Variants in WDR7 observed in about 807,000 individuals in gnomAD.
The protein encoded by WDR7 is WD repeat-containing protein 7.
Under a neutral mutation model 169.4 loss-of-function variants are expected in WDR7, and 46 were observed. The ratio of observed to expected loss-of-function variants is 0.27; its 90% CI spans 0.21 to 0.35. The LOEUF (loss-of-function observed/expected upper bound fraction) is 0.35, where lower values mean the gene tolerates loss of function less well. Ranked by LOEUF, WDR7 falls within the 10% of genes least tolerant of loss-of-function variation. The pLI, the probability that WDR7 is intolerant of heterozygous loss-of-function variation, is 1.00. For missense variants in WDR7, 1,534 were observed against 1,859.3 expected (o/e 0.83, Z 3.22); for synonymous variants, 612 against 666.8 (o/e 0.92, Z 1.27).
chr18:57,015,051 C>T (rs2048188204), intron 26 of WDR7, among the ~76,000 whole-genome samples: 1 of 152,140 alleles, frequency 6.6e-6, no homozygotes, highest in African/African-American at 2.4e-5. Context: ...CCTGACAGCA[C>T]ACATTGTTAA....
intron 22 of WDR7, among the ~76,000 whole-genome samples, chr18:56,924,754 G>T (rs567484887): frequency 2.4e-4 from 36 of 152,334 alleles, no homozygotes; most frequent in African/African-American, 8.4e-4. Flanking sequence ...TTCCTGCAAA[G>T]AGTTCTTTTG....
chr18:56,663,200 T>G (rs1032936382), intron 1 of WDR7, among the ~76,000 whole-genome samples: 1 of 152,332 alleles, frequency 6.6e-6, no homozygotes, highest in Admixed American at 6.5e-5. Flanking sequence ...CTCACAGGCC[T>G]GACCTCCAAA....
intron 21 of WDR7, among the ~76,000 whole-genome samples, chr18:56,885,744 A>G (rs142563863): frequency 0.059 from 8,935 of 151,120 alleles, 916 homozygotes; most frequent in African/African-American, 0.21. Flanking sequence ...GGAGAATGGC[A>G]TGAACCCAGG....
intron 21 of WDR7, among the ~76,000 whole-genome samples, chr18:56,893,421 C>T (rs2046291568): frequency 6.6e-6 from 1 of 152,012 alleles, no homozygotes; most frequent in Non-Finnish European, 1.5e-5. Flanking sequence ...AACTGCAGAG[C>T]TTTTGATGGT....
At chr18:57,035,903 G>A in the WDR7 span, 1 of 152,182 alleles carries the variant, frequency 6.6e-6, no homozygotes, top group African/African-American at 2.4e-5. Context: ...GAGGCTGAAA[G>A]CAGCCATTCC....
chr18:57,006,439 T>C (rs1255902586), intron 26 of WDR7, among the ~76,000 whole-genome samples: 5 of 152,222 alleles, frequency 3.3e-5, no homozygotes, highest in Admixed American at 6.5e-5. Context: ...CAAATATTAA[T>C]TGCTTATTAA....
At chr18:56,903,897 A>G (rs2046440206) in intron 21 of WDR7, among the ~76,000 whole-genome samples, 1 of 152,140 alleles carries the variant, frequency 6.6e-6, no homozygotes, top group South Asian at 2.1e-4. Flanking sequence ...TCCACCTTCC[A>G]TGGTTCAAAA....
At chr18:56,736,078 C>A (rs1306384412) in intron 14 of WDR7, among the ~76,000 whole-genome samples, 1 of 152,126 alleles carries the variant, frequency 6.6e-6, no homozygotes, top group Admixed American at 6.5e-5. Flanking sequence ...CTATAACTTG[C>A]TAGCCGTGGG....
intron 12 of WDR7, among the ~76,000 whole-genome samples, chr18:56,701,510 G>C (rs2025834133): frequency 6.6e-6 from 1 of 152,064 alleles, no homozygotes; most frequent in Non-Finnish European, 1.5e-5. Context: ...TTTTAAATGA[G>C]TGGTTTTCTC....
intron 22 of WDR7, among the ~76,000 whole-genome samples, chr18:56,925,027 C>A (rs1001616583): frequency 3.3e-5 from 5 of 152,188 alleles, no homozygotes; most frequent in African/African-American, 1.2e-4. Context: ...CAGAACCATA[C>A]AAACTGTGGT....
chr18:56,827,239 A>G (rs2045222373), intron 20 of WDR7, among the ~76,000 whole-genome samples: 1 of 152,160 alleles, frequency 6.6e-6, no homozygotes, highest in South Asian at 2.1e-4. Flanking sequence ...TATTTGAGTT[A>G]CTTGACTGTG....
chr18:56,875,892 T>C (rs1037827298), intron 20 of WDR7, among the ~76,000 whole-genome samples: 2 of 152,228 alleles, frequency 1.3e-5, no homozygotes, highest in Non-Finnish European at 2.9e-5. Flanking sequence ...CTTATTGTTG[T>C]TCACCTGATC....
At chr18:56,830,234 A>G (rs2045284548) in intron 20 of WDR7, among the ~76,000 whole-genome samples, 1 of 152,150 alleles carries the variant, frequency 6.6e-6, no homozygotes, top group African/African-American at 2.4e-5. Context: ...TTTTGGTGTA[A>G]AATGTATACG....
chr18:56,778,480 G>A (rs896972622), intron 17 of WDR7, among the ~76,000 whole-genome samples: 4 of 152,008 alleles, frequency 2.6e-5, no homozygotes, highest in Middle Eastern at 3.2e-3. Flanking sequence ...TGGCCTCATC[G>A]ATAATTTGGT....
intron 14 of WDR7, among the ~76,000 whole-genome samples, chr18:56,734,178 G>T (rs891803676): frequency 3.3e-5 from 5 of 152,094 alleles, no homozygotes; most frequent in African/African-American, 4.8e-5. Flanking sequence ...GAGTGAAGTT[G>T]TGTAGATATA....
intron 17 of WDR7, among the ~76,000 whole-genome samples, chr18:56,777,214 T>C (rs2044254066): frequency 6.6e-6 from 1 of 152,312 alleles, no homozygotes; most frequent in South Asian, 2.1e-4. Context: ...GAATTTATTT[T>C]ATATGTATCA....
intron 13 of WDR7, among the ~76,000 whole-genome samples, chr18:56,728,453 A>G (rs2026508861): frequency 6.6e-6 from 1 of 152,140 alleles, no homozygotes; most frequent in Admixed American, 6.5e-5. Flanking sequence ...CTTGCTTTAC[A>G]GCTGAAGTAG....
chr18:56,804,740 C>T (rs2044739739), intron 19 of WDR7, among the ~76,000 whole-genome samples: 1 of 152,198 alleles, frequency 6.6e-6, no homozygotes, highest in Non-Finnish European at 1.5e-5. Flanking sequence ...TGCGACAGAT[C>T]ATCACATAGG....
At chr18:56,709,700 T>C (rs2026040410) in intron 12 of WDR7, among the ~76,000 whole-genome samples, 1 of 152,204 alleles carries the variant, frequency 6.6e-6, no homozygotes, top group Admixed American at 6.5e-5. Flanking sequence ...GATTTAGTAG[T>C]CTATTTCAAA....
Sources: gnomAD v4.1 joint callset for allele counts (sites outside exome capture counted in the v4.1 genomes callset) on GRCh38, gnomAD v4.1.1 for gene constraint, MANE v1.5 for transcripts, NCBI Gene and HGNC (gene_info 2026-07-23, HGNC 2026-07-21) for gene names.